MAGI2: variants seen among roughly 807,000 people sequenced by gnomAD.
MAGI2 encodes the protein membrane associated guanylate kinase, WW and PDZ domain containing 2.
A neutral mutation model predicts 133.3 loss-of-function variants in MAGI2; 35 were observed. The observed-to-expected ratio is 0.26, with a 90% CI of 0.20 to 0.35. MAGI2 has a LOEUF of 0.35. Ranked by LOEUF, MAGI2 falls within the 10% of genes least tolerant of loss-of-function variation. MAGI2 has a pLI of 1.00. For synonymous variants in MAGI2, 729 were observed against 710.6 expected (o/e 1.03, Z -0.41); for missense variants, 1,636 against 1,863.4 (o/e 0.88, Z 2.25).
intron 1 of MAGI2, among the ~76,000 whole-genome samples, chr7:79,209,986 G>A (rs1214091591): frequency 6.6e-6 from 1 of 151,554 alleles, no homozygotes; most frequent in Non-Finnish European, 1.5e-5. Flanking sequence ...AAGTTTTGTG[G>A]GCACTATTGA....
At chr7:78,026,148 A>G (rs1203962290) in intron 21 of MAGI2, 1 of 152,546 alleles carries the variant, frequency 6.6e-6, no homozygotes, top group Non-Finnish European at 1.5e-5. Context: ...ATCAGTATAT[A>G]TACACACAGA....
Position 79,029,515 on chromosome 7 carries a change from T to C in MAGI2, c.302-22309A>G, listed in dbSNP as rs559621211. ...ACCTGAAATGTTTATATTTTTTTAT[T>C]CTACCTTCAAACCAGGCAATTCTGT... On this transcript the variant is annotated intron_variant, in intron 1 of 21. Transcript: ENST00000354212. Among the ~76,000 whole-genome samples the C allele has an allele frequency of 8.5e-5, 13 of 152,292 alleles. No homozygotes were observed. In the South Asian group the frequency reaches 2.3e-3, roughly 27 times the overall value.
chr7:78,291,563 T>A (rs1360092526), intron 9 of MAGI2, among the ~76,000 whole-genome samples: 1 of 152,174 alleles, frequency 6.6e-6, no homozygotes, highest in Non-Finnish European at 1.5e-5. Flanking sequence ...AAAGAGGGAA[T>A]CCTTCCTAAC....
chr7:78,710,932 G>A (rs1430527553), intron 2 of MAGI2, among the ~76,000 whole-genome samples: 2 of 152,126 alleles, frequency 1.3e-5, no homozygotes, highest in Non-Finnish European at 2.9e-5. Context: ...ACTTTAAAAT[G>A]GAGTCAATGA....
chr7:79,054,609 T>C (rs1242183390), intron 1 of MAGI2, among the ~76,000 whole-genome samples: 1 of 152,134 alleles, frequency 6.6e-6, no homozygotes, highest in African/African-American at 2.4e-5. Context: ...AACTAGGCCT[T>C]GATACCTCTC....
chr7:78,208,052 T>C (rs1787284913), intron 10 of MAGI2, among the ~76,000 whole-genome samples: 1 of 151,434 alleles, frequency 6.6e-6, no homozygotes, highest in Non-Finnish European at 1.5e-5. Flanking sequence ...GTATTTTTAG[T>C]AGAGAAGGGG....
chr7:79,203,832 G>A (rs577400494), intron 1 of MAGI2, among the ~76,000 whole-genome samples: 1 of 152,100 alleles, frequency 6.6e-6, no homozygotes, highest in East Asian at 1.9e-4. Context: ...GTTTCTTAAT[G>A]TGCCAAGGAA....
At chr7:78,936,414 A>G (rs1260715006) in intron 2 of MAGI2, among the ~76,000 whole-genome samples, 2 of 151,984 alleles carry the variant, frequency 1.3e-5, no homozygotes, top group Non-Finnish European at 2.9e-5. Context: ...AATCTAAAAT[A>G]ATATGTTGAT....
chr7:78,642,275 A>G (rs1810394431), intron 2 of MAGI2, among the ~76,000 whole-genome samples: 1 of 152,236 alleles, frequency 6.6e-6, no homozygotes, highest in Non-Finnish European at 1.5e-5. Context: ...TTACATGATA[A>G]AGTTGTATAT....
intron 4 of MAGI2, among the ~76,000 whole-genome samples, chr7:78,516,476 C>A (rs962155327): frequency 5.3e-5 from 8 of 152,130 alleles, no homozygotes; most frequent in Non-Finnish European, 8.8e-5. Flanking sequence ...CCTAAGCCTG[C>A]CAAGGAGCTG....
chr7:78,284,624 A>G (rs983726627), intron 9 of MAGI2, among the ~76,000 whole-genome samples: 1 of 152,068 alleles, frequency 6.6e-6, no homozygotes, highest in Non-Finnish European at 1.5e-5. Flanking sequence ...GCAAAAAGGA[A>G]TAATATAGTT....
intron 21 of MAGI2, among the ~76,000 whole-genome samples, chr7:78,046,791 TA>T (rs1811481321): frequency 1.3e-5 from 2 of 152,174 alleles, no homozygotes; most frequent in African/African-American, 2.4e-5. Context: ...AAGCTGTAAT[TA>T]AAAAAGATAA....
At chr7:79,223,796 C>A (rs1830636563) in intron 1 of MAGI2, among the ~76,000 whole-genome samples, 1 of 152,024 alleles carries the variant, frequency 6.6e-6, no homozygotes, top group South Asian at 2.1e-4. Flanking sequence ...AACCTCTATT[C>A]TTCTCATTAC....
chr7:78,592,726 A>G (rs1804144743), intron 3 of MAGI2, among the ~76,000 whole-genome samples: 1 of 151,976 alleles, frequency 6.6e-6, no homozygotes, highest in East Asian at 1.9e-4. Flanking sequence ...ATGCGTGTCC[A>G]TGATTTGGAG....
chr7:78,135,934 A>G (rs1409619735), intron 16 of MAGI2, among the ~76,000 whole-genome samples: 1 of 152,202 alleles, frequency 6.6e-6, no homozygotes, highest in Non-Finnish European at 1.5e-5. Context: ...GGATGGTAAG[A>G]CACACCTTTA....
At chr7:79,145,844 G>C (rs1822565640) in intron 1 of MAGI2, among the ~76,000 whole-genome samples, 1 of 152,210 alleles carries the variant, frequency 6.6e-6, no homozygotes, top group South Asian at 2.1e-4. Context: ...AAGGAATTTG[G>C]TCACTGGACA....
At chr7:78,966,383 C>T (rs1485416754) in intron 2 of MAGI2, among the ~76,000 whole-genome samples, 1 of 152,072 alleles carries the variant, frequency 6.6e-6, no homozygotes, top group Non-Finnish European at 1.5e-5. Flanking sequence ...TGTGCTTCTG[C>T]AAATTTGCCT....
In MAGI2 at chr7:79,370,920, T is replaced by A. The variant is rs56805629; in HGVS notation, c.301+82100A>T. ...AATGAAATTACTTGGTTCATGGGCA[T>A]TTTTTTCTCACTCTTGAATCCAGTT... On this transcript the variant is annotated intron_variant, in intron 1 of 21. Transcript: ENST00000354212. Among the ~76,000 whole-genome samples, 351 of 152,184 alleles carry A rather than the reference T, an allele frequency of 2.3e-3. 2 individuals carry two copies. Among genetic ancestry groups the A allele is most frequent in the African/African-American group, 8.0e-3 (334 of 41,522 alleles).
intron 1 of MAGI2, among the ~76,000 whole-genome samples, chr7:79,218,155 T>A (rs1830170967): frequency 6.6e-6 from 1 of 152,014 alleles, no homozygotes; most frequent in Non-Finnish European, 1.5e-5. Context: ...CCCATTAAGC[T>A]GTAAATATGT....
Sources: allele counts gnomAD v4.1 joint callset (sites outside exome capture counted in the v4.1 genomes callset), GRCh38; gene constraint gnomAD v4.1.1; transcripts MANE v1.5; gene names NCBI Gene and HGNC (gene_info 2026-07-23, HGNC 2026-07-21).